Variants in MLIP observed in about 807,000 individuals in gnomAD.
MLIP encodes the protein muscular LMNA interacting protein.
In MLIP, 79 loss-of-function variants were observed where a neutral mutation model predicts 84.8. That is an observed-to-expected ratio of 0.93 (90% CI 0.78 to 1.12). The LOEUF (loss-of-function observed/expected upper bound fraction) is 1.12. Among genes scored for constraint, MLIP ranks in the 50% most tolerant of loss-of-function variants. The pLI is 0.00. For synonymous variants in MLIP, 504 were observed against 463.0 expected (o/e 1.09, Z -1.14); for missense variants, 1,257 against 1,160.6 (o/e 1.08, Z -1.21).
intron 1 of MLIP, among the ~76,000 whole-genome samples, chr6:54,027,374 TACACACACACAC>T (rs70980886): frequency 0.42 from 62,393 of 148,356 alleles, 13,784 homozygotes; most frequent in East Asian, 0.72. Flanking sequence ...ATAAAAAAAA[TACACACACACAC>T]ACACACACAC....
At chr6:54,204,525 A>G (rs962505698) in intron 11 of MLIP, among the ~76,000 whole-genome samples, 4 of 152,204 alleles carry the variant, frequency 2.6e-5, no homozygotes, top group Non-Finnish European at 5.9e-5. Context: ...ATATGATCCA[A>G]TGCTGGAAGA....
At chr6:54,088,381 G>A (rs932563950) in intron 1 of MLIP, among the ~76,000 whole-genome samples, 1 of 150,518 alleles carries the variant, frequency 6.6e-6, no homozygotes, top group Non-Finnish European at 1.5e-5. Context: ...CTGAGGTTCT[G>A]TAGTAGGTGA....
chr6:54,031,403 G>T (rs1764127051), intron 1 of MLIP: 1 of 152,172 alleles, frequency 6.6e-6, no homozygotes, highest in Non-Finnish European at 1.5e-5. Context: ...CCAGCAGACT[G>T]CAGGCTCCTC....
chr6:54,251,525 C>A, intron 12 of MLIP, among the ~76,000 whole-genome samples: 1 of 98,282 alleles, frequency 1.0e-5, no homozygotes, highest in Non-Finnish European at 1.8e-5. Flanking sequence ...TAGGTACAAA[C>A]ACAGTATATA....
At chr6:54,038,396 G>T (rs566216711) in intron 1 of MLIP, among the ~76,000 whole-genome samples, 73 of 151,834 alleles carry the variant, frequency 4.8e-4, no homozygotes, top group Non-Finnish European at 9.3e-4. Flanking sequence ...TTACTCACTC[G>T]AGTAAATGAG....
intron 1 of MLIP, chr6:54,028,955 G>A (rs1489902152): frequency 1.3e-5 from 2 of 152,156 alleles, no homozygotes; most frequent in African/African-American, 4.8e-5. Flanking sequence ...AATTTGCAAT[G>A]TGCTTTTTCA....
chr6:54,108,325 AGTT>A (rs1249375611), upstream of MLIP, among the ~76,000 whole-genome samples: 12 of 152,188 alleles, frequency 7.9e-5, no homozygotes, highest in African/African-American at 2.4e-5. Context: ...TCTATAGAAA[AGTT>A]GTTGTAATTA....
intron 1 of MLIP, chr6:54,041,097 G>C (rs1057239430): frequency 6.6e-6 from 1 of 151,964 alleles, no homozygotes; most frequent in African/African-American, 2.4e-5. Context: ...CAAAAAATCT[G>C]TCATGGAGAC....
chr6:54,221,676 G>A (rs1209769516), intron 11 of MLIP, among the ~76,000 whole-genome samples: 1 of 150,888 alleles, frequency 6.6e-6, no homozygotes, highest in Non-Finnish European at 1.5e-5. Context: ...TATATTATTG[G>A]TAAAATATTT....
rs1562065797 is a variant in MLIP at position 54,213,723 on chromosome 6, A to AC, written c.2718+11490_2718+11491insC. On this transcript the variant is annotated intron_variant, in intron 11 of 13. Transcript: ENST00000502396. ...ACTTTGTCTCAAAAAAAAAAAAAAA[A>AC]AAAAAAAAAAAAACAACAAACAGCA... is the stretch of plus-strand genomic sequence containing the variant. 2.1e-3 allele frequency among the ~76,000 whole-genome samples: 238 copies of AC among 114,928 alleles called. 18 individuals carry two copies. Among genetic ancestry groups the AC allele is most frequent in the African/African-American group, 6.2e-3 (170 of 27,638 alleles). 75.4% of individuals were successfully genotyped at this position (114,928 alleles called of 152,430 possible).
intron 13 of MLIP, among the ~76,000 whole-genome samples, chr6:54,258,013 T>G (rs1783127791): frequency 1.3e-5 from 2 of 152,122 alleles, no homozygotes; most frequent in Non-Finnish European, 2.9e-5. Context: ...CTCATTATGG[T>G]TTACTTTTGT....
At chr6:54,192,775 A>G (rs1342325667) in intron 10 of MLIP, among the ~76,000 whole-genome samples, 1 of 152,186 alleles carries the variant, frequency 6.6e-6, no homozygotes, top group Non-Finnish European at 1.5e-5. Flanking sequence ...TTGGAAATGT[A>G]TGATACTTTA....
intron 12 of MLIP, among the ~76,000 whole-genome samples, chr6:54,248,193 C>A (rs1276832364): frequency 2.0e-5 from 3 of 151,992 alleles, no homozygotes; most frequent in African/African-American, 7.3e-5. Flanking sequence ...GAAAAATATT[C>A]CACCAATATT....
At chr6:54,192,961 T>C (rs1217842011) in intron 10 of MLIP, among the ~76,000 whole-genome samples, 1 of 152,236 alleles carries the variant, frequency 6.6e-6, no homozygotes, top group Non-Finnish European at 1.5e-5. Context: ...GAGATTTAAC[T>C]TTTTAACGAT....
At chr6:54,074,604 C>G (rs531613402) in intron 1 of MLIP, among the ~76,000 whole-genome samples, 1 of 152,028 alleles carries the variant, frequency 6.6e-6, no homozygotes, top group Non-Finnish European at 1.5e-5. Flanking sequence ...CCTCTTGTGC[C>G]GGTGTTTAAC....
chr6:54,206,877 T>C (rs2792645), intron 11 of MLIP, among the ~76,000 whole-genome samples: 147,494 of 152,320 alleles, frequency 0.97, 71,597 homozygotes, highest in East Asian at 1. Flanking sequence ...TCTGGCTTTG[T>C]CACAAACTAC....
intron 5 of MLIP, among the ~76,000 whole-genome samples, chr6:54,155,760 G>T (rs910115800): frequency 6.6e-6 from 1 of 152,036 alleles, no homozygotes; most frequent in Non-Finnish European, 1.5e-5. Context: ...TTAATGTAGT[G>T]CTAAGTTCAG....
chr6:54,251,013 G>T (rs1023881699), intron 12 of MLIP, among the ~76,000 whole-genome samples: 1 of 151,920 alleles, frequency 6.6e-6, no homozygotes, highest in Admixed American at 6.6e-5. Context: ...AGGTGACAAC[G>T]TCTGTTCACT....
chr6:54,243,833 G>A (rs752253969), intron 12 of MLIP, among the ~76,000 whole-genome samples: 3 of 152,094 alleles, frequency 2.0e-5, no homozygotes, highest in Admixed American at 6.6e-5. Context: ...AATTGCTGAG[G>A]CCATCTGACT....
Sources: gnomAD v4.1 joint callset for allele counts (sites outside exome capture counted in the v4.1 genomes callset) on GRCh38, gnomAD v4.1.1 for gene constraint, MANE v1.5 for transcripts, NCBI Gene and HGNC (gene_info 2026-07-23, HGNC 2026-07-21) for gene names.